DISP1: variants seen among roughly 807,000 people sequenced by gnomAD.
DISP1 encodes protein dispatched homolog 1.
Under a neutral mutation model 37.3 loss-of-function variants are expected in DISP1, and 30 were observed. That is an observed-to-expected ratio of 0.80 (90% CI 0.60 to 1.09). The LOEUF (loss-of-function observed/expected upper bound fraction) is 1.09. DISP1 is among the 50% of genes least tolerant of loss of function. The pLI is 0.00. For synonymous variants in DISP1, 634 were observed against 690.2 expected (o/e 0.92, Z 1.28); for missense variants, 1,598 against 1,879.5 (o/e 0.85, Z 2.77).
At chr1:223,002,304 C>T in intron 8 of DISP1, 81 bp from the exon 9 acceptor site, 3 of 1,285,306 alleles carry the variant, frequency 2.3e-6, no homozygotes, top group Non-Finnish European at 3.4e-6. Flanking sequence ...CTCAAGATCA[C>T]CTTAGTGCAG....
chr1:222,888,819 T>TGTGTGC (rs1670785084), intron 1 of DISP1, among the ~76,000 whole-genome samples: 2 of 152,082 alleles, frequency 1.3e-5, no homozygotes, highest in Non-Finnish European at 2.9e-5. Context: ...GTCAGTTGTG[T>TGTGTGC]GTGTGTGTGT....
At chr1:222,821,709 C>G (rs1662978957) in intron 1 of DISP1, among the ~76,000 whole-genome samples, 1 of 152,042 alleles carries the variant, frequency 6.6e-6, no homozygotes. Flanking sequence ...AACTCTGTGT[C>G]TGCTAAAAAT....
intron 1 of DISP1, among the ~76,000 whole-genome samples, chr1:222,912,174 G>A (rs1432112711): frequency 6.6e-6 from 1 of 151,900 alleles, no homozygotes; most frequent in Non-Finnish European, 1.5e-5. Flanking sequence ...TGAATCTTTT[G>A]AGGTTATAAG....
intron 1 of DISP1, among the ~76,000 whole-genome samples, chr1:222,826,165 A>C (rs1356552098): frequency 6.6e-6 from 1 of 152,038 alleles, no homozygotes; most frequent in Non-Finnish European, 1.5e-5. Flanking sequence ...TGGCCTCCCA[A>C]AGTGTTGGGA....
chr1:222,911,051 A>G (rs1672180674), intron 1 of DISP1, among the ~76,000 whole-genome samples: 1 of 152,176 alleles, frequency 6.6e-6, no homozygotes, highest in African/African-American at 2.4e-5. Flanking sequence ...CAACATATGT[A>G]TCTTTAAGAA....
chr1:222,962,095 A>G (rs1676109079), intron 3 of DISP1, among the ~76,000 whole-genome samples: 1 of 152,242 alleles, frequency 6.6e-6, no homozygotes, highest in Admixed American at 6.5e-5. Context: ...GTCTCAGCAT[A>G]CAAAATCAAC....
At chr1:222,930,051 G>T (rs1673303879) in intron 2 of DISP1, among the ~76,000 whole-genome samples, 1 of 152,100 alleles carries the variant, frequency 6.6e-6, no homozygotes, top group Admixed American at 6.6e-5. Flanking sequence ...CCTTAATTCA[G>T]TCTGGGAAAT....
intron 1 of DISP1, among the ~76,000 whole-genome samples, chr1:222,919,345 G>T (rs2789961): frequency 6.6e-6 from 1 of 152,010 alleles, no homozygotes; most frequent in South Asian, 2.1e-4. Flanking sequence ...CGCCCCGAGC[G>T]CAGTGTTTCT....
rs1264310221 is a variant in DISP1 at position 222,872,398 on chromosome 1, T to C, written c.-158-56032T>C. On this transcript the variant is annotated intron_variant, in intron 1 of 8. Coordinates refer to ENST00000675850, the MANE Select transcript of DISP1 (RefSeq NM_001377229.1). ...CCTTGTGCCTCTGGTAGAATTCGGC[T>C]GTGAATCCATCTGGTCCTGGACTTT... 10 of 152,338 alleles carry C rather than the reference T, an allele frequency of 6.6e-5. No individual in the cohort carries two copies. The East Asian group carries it at 1.5e-3, about 24-fold the overall frequency. 9.4% of individuals were successfully genotyped at this position (152,338 alleles called of 1,614,324 possible).
chr1:222,984,433 T>G (rs868009541), intron 4 of DISP1, among the ~76,000 whole-genome samples: 1 of 99,524 alleles, frequency 1.0e-5, no homozygotes, highest in African/African-American at 4.3e-5. Flanking sequence ...TATATATATA[T>G]ATAGAGAGAG....
Position 222,940,319 on chromosome 1 carries a change from G to A in DISP1, c.-17-2488G>A, listed in dbSNP as rs145419595. On this transcript the variant is annotated intron_variant, in intron 2 of 8. Coordinates refer to ENST00000675850, the MANE Select transcript of DISP1 (RefSeq NM_001377229.1). ...AGCTGGCCAGAGAAGGAGAAAGTTG[G>A]CCGGGGACATGTGTCACATGCTTTT... Among the ~76,000 whole-genome samples the A allele has an allele frequency of 3.8e-4, 58 of 152,136 alleles. No homozygotes were observed. In the Middle Eastern group the frequency reaches 0.014, roughly 36 times the overall value.
chr1:222,934,358 TA>T (rs1014148740), intron 2 of DISP1, among the ~76,000 whole-genome samples: 8 of 152,012 alleles, frequency 5.3e-5, no homozygotes, highest in Non-Finnish European at 8.8e-5. Flanking sequence ...GTGAGATGAT[TA>T]AAAAAAATTT....
intron 2 of DISP1, among the ~76,000 whole-genome samples, chr1:222,929,329 A>G (rs1673254379): frequency 6.6e-6 from 1 of 152,154 alleles, no homozygotes; most frequent in African/African-American, 2.4e-5. Context: ...AAAAATTCAA[A>G]TTAGTTTAAT....
At chr1:222,916,091 TCCTGGCTTGAGTA>T (rs1672480341) in intron 1 of DISP1, among the ~76,000 whole-genome samples, 1 of 152,226 alleles carries the variant, frequency 6.6e-6, no homozygotes, top group Non-Finnish European at 1.5e-5. Context: ...AGTGTAATGA[TCCTGGCTTGAGTA>T]CCTGGAACAG....
chr1:223,003,197 C>T lies in DISP1; in HGVS notation c.1800C>T (p.Thr600=), dbSNP rs763540789. The stretch of plus-strand genomic sequence containing the variant: ...AAACCTCAGAAACAGTAAGCATCAC[C>T]TTGCAGCACGCTGCCCTCTCCATGT... The part of the protein sequence containing the change: ...HAETSETVSI[T]LQHAALSMFV... The change falls in exon 9 of 9, where the codon ACC becomes ACT. Residue 600 remains threonine (T), a synonymous_variant. Coordinates refer to ENST00000675850, the MANE Select transcript of DISP1 (RefSeq NM_001377229.1). This position sits in a 1 kb window ranked among gnomAD's most constrained non-coding sequence, Gnocchi z 4.3. 1 of 1,614,232 alleles carries T rather than the reference C, an allele frequency of 6.2e-7. No individual in the cohort carries two copies. The highest frequency in any genetic ancestry group is 8.5e-7 in the Non-Finnish European group (1 of 1,180,048).
At chr1:222,949,762 G>C (rs1236891600) in intron 3 of DISP1, among the ~76,000 whole-genome samples, 4 of 152,142 alleles carry the variant, frequency 2.6e-5, no homozygotes, top group African/African-American at 4.8e-5. Context: ...GAGCAGTTGG[G>C]ATTACAGGCG....
chr1:222,895,314 T>G (rs1671188978), intron 1 of DISP1, among the ~76,000 whole-genome samples: 1 of 152,168 alleles, frequency 6.6e-6, no homozygotes, highest in South Asian at 2.1e-4. Context: ...CTTGGTGCTT[T>G]TTTGCCACTG....
At chr1:222,939,942 G>A (rs142116613) in intron 2 of DISP1, among the ~76,000 whole-genome samples, 12,732 of 151,910 alleles carry the variant, frequency 0.084, 580 homozygotes, top group African/African-American at 0.12. Flanking sequence ...TGGCTAACAC[G>A]GTGAGATCCC....
At chr1:222,947,732 G>A (rs1278003587) in intron 3 of DISP1, among the ~76,000 whole-genome samples, 1 of 151,784 alleles carries the variant, frequency 6.6e-6, no homozygotes, top group East Asian at 1.9e-4. Flanking sequence ...TTTTTTAAGA[G>A]TAGGCATCCT....
Sources: allele counts gnomAD v4.1 joint callset (sites outside exome capture counted in the v4.1 genomes callset), GRCh38; gene constraint gnomAD v4.1.1; non-coding constraint Gnocchi (gnomAD v3.1); transcripts MANE v1.5; gene names NCBI Gene and HGNC (gene_info 2026-07-23, HGNC 2026-07-21).